Variants in MACF1 observed in about 807,000 individuals in gnomAD.
MACF1 encodes microtubule actin crosslinking factor 1.
MACF1 carries 193 observed loss-of-function variants against 854.8 expected under a neutral mutation model. The ratio of observed to expected loss-of-function variants is 0.23; its 90% CI spans 0.20 to 0.25. MACF1 has a LOEUF of 0.25. MACF1 is among the 10% of genes least tolerant of loss of function. The pLI, the probability that MACF1 is intolerant of heterozygous loss-of-function variation, is 1.00. For missense variants in MACF1, 7,722 were observed against 8,929.1 expected (o/e 0.86, Z 5.45); for synonymous variants, 3,185 against 3,226.7 (o/e 0.99, Z 0.44).
At chr1:39,303,167 T>C in intron 23 of MACF1, 89 bp downstream of exon 23, 1 of 1,456,036 alleles carries the variant, frequency 6.9e-7, no homozygotes, top group Non-Finnish European at 9.3e-7. Context: ...TTGTGATGTT[T>C]TTGAACACAG....
chr1:39,439,473 C>T lies in MACF1; in HGVS notation c.18420C>T (p.Ile6140=), dbSNP rs761145561. The T allele has an allele frequency of 2.5e-6, 4 of 1,614,138 alleles. No individual in the cohort carries two copies. The highest frequency in any genetic ancestry group is 3.4e-6 in the Non-Finnish European group (4 of 1,179,972). ...DLESPGIDPS[I]IKQQVEAAET... is the part of the protein sequence containing the mutation. ...AAAGCCCAGGCATTGATCCTTCCAT[C>T]ATCAAACAACAGGTTGAAGCTGCTG... is the stretch of plus-strand genomic sequence containing the variant. The change falls in exon 72 of 101, where the codon ATC becomes ATT. Residue 6140 remains isoleucine, a synonymous_variant. Coordinates refer to ENST00000564288, the MANE Select transcript of MACF1 (RefSeq NM_001394062.1).
At chr1:39,104,975 G>GAGAA (rs1642182796) in intron 2 of MACF1, among the ~76,000 whole-genome samples, 1 of 152,200 alleles carries the variant, frequency 6.6e-6, no homozygotes, top group Admixed American at 6.5e-5. Context: ...TCCAGCCAGG[G>GAGAA]AGAAACCCTC....
intron 6 of MACF1, among the ~76,000 whole-genome samples, chr1:39,274,951 C>T (rs1645404605): frequency 1.3e-5 from 2 of 151,808 alleles, no homozygotes; most frequent in African/African-American, 4.8e-5. Context: ...AGACAAACAC[C>T]CTTGTAGAAA....
intron 1 of MACF1, among the ~76,000 whole-genome samples, chr1:39,217,858 G>C (rs1254404689): frequency 6.7e-6 from 1 of 149,578 alleles, no homozygotes; most frequent in African/African-American, 2.5e-5. Context: ...ACTCCAGCCT[G>C]GGTGATAGAG....
Position 39,388,368 on chromosome 1 carries a change from A to G in MACF1, c.15526A>G (p.Ile5176Val), listed in dbSNP as rs1641881776. ...LNKIHVLKLD[I>V]EASEAECRHM... ...CAAAATTCACGTCCTCAAATTAGAC[A>G]TAGAGGCCTCTGAAGCAGAGTGTCG... The change falls in exon 58 of 101, where the codon ATA (isoleucine) becomes GTA (valine). Residue 5176 changes from isoleucine to valine, a missense_variant. This residue lies in a region of MACF1 where 2,807 missense variants were observed against 3,235.8 expected (regional missense o/e 0.87). Transcript: ENST00000564288. 5 of 1,614,188 alleles carry G rather than the reference A, an allele frequency of 3.1e-6. No individual in the cohort carries two copies. The East Asian group carries it at 8.9e-5, about 29-fold the overall frequency.
chr1:39,283,621 C>T lies in MACF1; in HGVS notation c.915+106C>T. 1.3e-6 allele frequency: 1 copy of T among 763,888 alleles called. No homozygotes were observed. Among genetic ancestry groups the T allele is most frequent in the Non-Finnish European group, 2.2e-6 (1 of 444,656 alleles). The allele number at this position is 763,888 out of a possible 1,614,324, so 47.3% of individuals were successfully genotyped here. A position where few individuals can be genotyped will look rare whatever the true frequency, so the allele number is the denominator to read the frequency against. ...CTTATGGTATACTCATGGTATCAAA[C>T]TATATATCCAGTATCTTTATCATAC... On this transcript the variant is annotated intron_variant, in intron 9 of 100. Coordinates refer to ENST00000564288, the MANE Select transcript of MACF1 (RefSeq NM_001394062.1). This position sits in a 1 kb window ranked among gnomAD's most constrained non-coding sequence, Gnocchi z 4.5.
intron 23 of MACF1, chr1:39,304,567 T>A (rs1175514351): frequency 6.4e-6 from 5 of 781,896 alleles, no homozygotes; most frequent in African/African-American, 1.8e-5. Context: ...TTTTCTTTCT[T>A]TTTTTTTTTT....
At chr1:39,454,007 T>C (rs1487109494) in intron 88 of MACF1, among the ~76,000 whole-genome samples, 157 bp downstream of exon 88, 1 of 152,252 alleles carries the variant, frequency 6.6e-6, no homozygotes, top group Non-Finnish European at 1.5e-5. Flanking sequence ...TTCTTGGTAA[T>C]GTGTGGCAAC....
At position 39,372,497 on chromosome 1, in the gene MACF1, G is replaced by C; in HGVS notation, c.13114G>C (p.Ala4372Pro). ...TAAACAGAGTCTACTAGATGACTGG[G>C]CAAGTAAGGGAACTCTGGTGGAAGA... is the stretch of plus-strand genomic sequence containing the variant. ...EHLKSLLDDW[A>P]SKGTLVEEIN... Residue 4372 changes from alanine to proline, a missense_variant, in exon 52 of 101, where the codon GCA becomes CCA. Transcript: ENST00000564288. The C allele has an allele frequency of 6.2e-7, 1 of 1,612,318 alleles. No homozygotes were observed. Among genetic ancestry groups the C allele is most frequent in the Non-Finnish European group, 8.5e-7 (1 of 1,178,558 alleles).
Position 39,429,864 on chromosome 1 carries a change from T to C in MACF1, c.16926T>C (p.Gly5642=). ...TACTTATCCAGGAAAAACTAGATGG[T>C]ATAAAGACTCGTTACGCAGACATCA... ...EVLLIQEKLD[G]IKTRYADITV... is the part of the protein sequence containing the mutation. Residue 5642 remains glycine (G), a synonymous_variant, in exon 65 of 101, where the codon GGT becomes GGC. Coordinates refer to ENST00000564288, the MANE Select transcript of MACF1 (RefSeq NM_001394062.1). 1.2e-6 allele frequency: 2 copies of C among 1,614,020 alleles called. No individual in the cohort carries two copies. The highest frequency in any genetic ancestry group is 1.3e-5 in the African/African-American group (1 of 75,016).
At chr1:39,150,514 A>G (rs1643557341) in intron 2 of MACF1, among the ~76,000 whole-genome samples, 1 of 152,186 alleles carries the variant, frequency 6.6e-6, no homozygotes, top group South Asian at 2.1e-4. Flanking sequence ...TTTCTTAAAT[A>G]CTCAAACATA....
At chr1:39,462,117 A>G in intron 93 of MACF1, 80 bp downstream of exon 93, 1 of 1,363,866 alleles carries the variant, frequency 7.3e-7, no homozygotes, top group Non-Finnish European at 1.0e-6. Flanking sequence ...TTCAGTGATC[A>G]TATTAGCCTT....
intron 54 of MACF1, 151 bp from the exon 55 acceptor site, chr1:39,380,092 AG>A: frequency 3.2e-6 from 2 of 615,530 alleles, no homozygotes; most frequent in Non-Finnish European, 5.4e-6. Flanking sequence ...TTGAAGTAGA[AG>A]GGTTAAGTAT....
intron 26 of MACF1, among the ~76,000 whole-genome samples, chr1:39,311,555 A>G (rs1646301359): frequency 6.6e-6 from 1 of 152,224 alleles, no homozygotes; most frequent in Non-Finnish European, 1.5e-5. Flanking sequence ...GTAAAATACT[A>G]TGAAAATGTA....
rs753053094 is a variant in MACF1 at position 39,332,001 on chromosome 1, A to G, written c.5413A>G (p.Ile1805Val). 6.2e-7 allele frequency: 1 copy of G among 1,614,078 alleles called. No individual in the cohort carries two copies. The highest frequency in any genetic ancestry group is 1.1e-5 in the South Asian group (1 of 91,070). The change falls in exon 37 of 101, where the codon ATA becomes GTA. Residue 1805 changes from isoleucine to valine, a missense_variant. By Grantham distance (29) the Ile-to-Val change is conservative. This residue lies in a region of MACF1 where 1,531 missense variants were observed against 1,601.6 expected (regional missense o/e 0.96). Coordinates refer to ENST00000564288, the MANE Select transcript of MACF1 (RefSeq NM_001394062.1). ...IDQDMACAIL[I>V]RQLQTGGIID... ...CCAAGATATGGCCTGTGCTATCCTC[A>G]TAAGGCAGCTTCAGACAGGAGGCAT...
chr1:39,388,547 G>A lies in MACF1; in HGVS notation c.15705G>A (p.Arg5235=), dbSNP rs1205259761. Residue 5235 remains arginine (R), a synonymous_variant, in exon 58 of 101, where the codon AGG becomes AGA. Transcript: ENST00000564288. ...TAGGCCGTGTAGAGGACTTCTACAGGAAATTGAAAGGACTCAATGACGCGA... is the reference window on the plus strand; with the variant it reads ...TAGGCCGTGTAGAGGACTTCTACAGAAAATTGAAAGGACTCAATGACGCGA... ...LTLGRVEDFY[R]KLKGLNDATT... The A allele has an allele frequency of 1.2e-6, 2 of 1,614,060 alleles. No individual in the cohort carries two copies. Among genetic ancestry groups the A allele is most frequent in the East Asian group, 4.5e-5 (2 of 44,892 alleles).
intron 52 of MACF1, among the ~76,000 whole-genome samples, chr1:39,373,888 C>G (rs1010954439): frequency 4.0e-5 from 6 of 150,520 alleles, no homozygotes; most frequent in African/African-American, 1.2e-4. Context: ...AAAGGGGGTA[C>G]AAAGATTGTG....
intron 2 of MACF1, among the ~76,000 whole-genome samples, chr1:39,143,417 G>C (rs1000894559): frequency 1.3e-5 from 2 of 152,132 alleles, no homozygotes; most frequent in African/African-American, 4.8e-5. Context: ...TATCAGGCCA[G>C]GATAATAGGA....
At chr1:39,413,720 C>T in intron 58 of MACF1, 1 of 1,609,724 alleles carries the variant, frequency 6.2e-7, no homozygotes. Flanking sequence ...GCAGTGCCCA[C>T]CCCAGAGGAA....
Sources: gnomAD v4.1 joint callset for allele counts (sites outside exome capture counted in the v4.1 genomes callset) on GRCh38, gnomAD v4.1.1 for gene constraint, gnomAD v4.1.1 regional missense constraint, Gnocchi (gnomAD v3.1) non-coding constraint, MANE v1.5 for transcripts, NCBI Gene and HGNC (gene_info 2026-07-23, HGNC 2026-07-21) for gene names.